EPB41L4A: variants seen among roughly 807,000 people sequenced by gnomAD.
The protein encoded by EPB41L4A is band 4.1-like protein 4A.
In EPB41L4A, 100 loss-of-function variants were observed where a neutral mutation model predicts 108.6. The observed-to-expected ratio is 0.92, with a 90% CI of 0.78 to 1.09. The LOEUF (loss-of-function observed/expected upper bound fraction) is 1.09. EPB41L4A is among the 50% of genes least tolerant of loss of function. The pLI, the probability that EPB41L4A is intolerant of heterozygous loss-of-function variation, is 0.00. For synonymous variants in EPB41L4A, 319 were observed against 289.0 expected, an observed-to-expected ratio of 1.10 and a Z score of -1.05; for missense variants, 1,030 against 842.7, an observed-to-expected ratio of 1.22 and a Z score of -2.75.
chr5:112,180,776 C>A (rs139655771), intron 18 of EPB41L4A, among the ~76,000 whole-genome samples: 2 of 151,950 alleles, frequency 1.3e-5, no homozygotes, highest in South Asian at 4.1e-4. Context: ...CAAACCACAG[C>A]CTGGGAGAAA....
Position 112,169,089 on chromosome 5 carries a change from T to A in EPB41L4A, c.1756A>T (p.Ile586Phe), listed in dbSNP as rs201545233. The A allele has an allele frequency of 1.9e-6, 3 of 1,613,648 alleles. No homozygotes were observed. Among genetic ancestry groups the A allele is most frequent in the Non-Finnish European group, 2.5e-6 (3 of 1,179,696 alleles). Residue 586 changes from isoleucine (I) to phenylalanine (F), a missense_variant, in exon 21 of 23, where the codon ATC becomes TTC. Transcript: ENST00000261486. Reference sequence around the variant, plus strand: ...GGCGAATGAGAATGCCTGATGCGGATTGGGTCACCTTGTGTCCTGAACAAG... The same window carrying A: ...GGCGAATGAGAATGCCTGATGCGGAATGGGTCACCTTGTGTCCTGAACAAG... Reference protein sequence around the residue: ...YTKIETQGDPIRIRHSHSPRS... With the variant: ...YTKIETQGDPFRIRHSHSPRS...
In EPB41L4A at chr5:112,204,369, GCTTACCTCCTCCT is replaced by G. The variant is rs762753272; in HGVS notation, c.1369_1376+5del. The stretch of plus-strand genomic sequence containing the variant: ...GCTGCTAACAGAGAGATTGTGTTCC[GCTTACCTCCTCCT>G]CACAGGCTGTACAGAATCATTGTCA... On this transcript the variant is annotated splice_donor_variant and splice_donor_5th_base_variant and coding_sequence_variant and intron_variant, in exon 15 of 23. Transcript: ENST00000261486. LOFTEE classifies it high-confidence loss of function. The G allele has an allele frequency of 6.3e-7, 1 of 1,593,066 alleles. No homozygotes were observed. The highest frequency in any genetic ancestry group is 2.2e-5 in the East Asian group (1 of 44,772).
intron 2 of EPB41L4A, among the ~76,000 whole-genome samples, chr5:112,293,851 A>G (rs1461655619): frequency 6.6e-6 from 1 of 152,218 alleles, no homozygotes; most frequent in Non-Finnish European, 1.5e-5. Flanking sequence ...CACCCACTCT[A>G]AACAGAAAAT....
At chr5:112,250,569 C>G (rs1014049553) in intron 9 of EPB41L4A, 1 of 152,208 alleles carries the variant, frequency 6.6e-6, no homozygotes, top group East Asian at 1.9e-4. Context: ...CCTGTTAAAA[C>G]GAAGGCTTAT....
At chr5:112,211,520 G>A (rs1016179906) in intron 12 of EPB41L4A, among the ~76,000 whole-genome samples, 7 of 151,794 alleles carry the variant, frequency 4.6e-5, no homozygotes, top group African/African-American at 1.7e-4. Flanking sequence ...CCCGGGAGGT[G>A]GAGGTTGTAG....
chr5:112,145,604 T>A (rs978800446), intron 13 of EPB41L4A, among the ~76,000 whole-genome samples: 4 of 152,222 alleles, frequency 2.6e-5, no homozygotes, highest in Non-Finnish European at 5.9e-5. Context: ...AGGACACATG[T>A]AGTGGCCTTT....
chr5:112,354,235 T>C (rs1245824039), intron 1 of EPB41L4A, among the ~76,000 whole-genome samples: 50 of 152,270 alleles, frequency 3.3e-4, no homozygotes, highest in Non-Finnish European at 1.2e-4. Flanking sequence ...TTATTCCAAA[T>C]GGATGTTGGA....
chr5:112,393,113 CA>C (rs1429953636), intron 1 of EPB41L4A, among the ~76,000 whole-genome samples: 18 of 152,302 alleles, frequency 1.2e-4, no homozygotes, highest in Non-Finnish European at 2.4e-4. Context: ...AATGTTATAG[CA>C]CTAAATGCCC....
rs1348805050 is a variant in EPB41L4A, at chr5:112,195,710, T to C, written c.1377-2A>G. The C allele has an allele frequency of 6.2e-7, 1 of 1,612,074 alleles. No homozygotes were observed. The highest frequency in any genetic ancestry group is 1.3e-5 in the African/African-American group (1 of 74,780). ...TCTTCACCACTGTTATGGGCTTTCC[T>C]GTGAAAACAAATGAAGACATTTAAG... On this transcript the variant is annotated splice_acceptor_variant, in intron 15 of 22. Transcript: ENST00000261486. LOFTEE classifies it high-confidence loss of function.
intron 1 of EPB41L4A, among the ~76,000 whole-genome samples, chr5:112,376,900 C>T (rs537172687): frequency 5.9e-5 from 9 of 152,046 alleles, no homozygotes; most frequent in African/African-American, 2.2e-4. Context: ...GAAGAGAGTA[C>T]GTCTATAAAA....
chr5:112,229,771 G>A (rs995106082), intron 12 of EPB41L4A, among the ~76,000 whole-genome samples: 5 of 152,056 alleles, frequency 3.3e-5, no homozygotes, highest in Admixed American at 2.0e-4. Context: ...GATGGATCAC[G>A]AGGCCAGGAG....
At chr5:112,198,322 C>G (rs539500896) in intron 15 of EPB41L4A, among the ~76,000 whole-genome samples, 1 of 152,112 alleles carries the variant, frequency 6.6e-6, no homozygotes, top group Admixed American at 6.5e-5. Context: ...CATGAGCCAC[C>G]GTACATGGCT....
chr5:112,319,833 C>G (rs1755657059), intron 1 of EPB41L4A, among the ~76,000 whole-genome samples: 1 of 152,088 alleles, frequency 6.6e-6, no homozygotes. Context: ...TGCCTCCTTC[C>G]CTGATGTTGA....
intron 12 of EPB41L4A, among the ~76,000 whole-genome samples, chr5:112,234,327 A>G (rs1281867559): frequency 1.3e-5 from 2 of 151,866 alleles, no homozygotes; most frequent in South Asian, 4.1e-4. Context: ...GGCAGCAGTG[A>G]GCTATAATCA....
In EPB41L4A at chr5:112,239,605, T is replaced by G. The variant is rs145416654; in HGVS notation, c.965+55A>C. On this transcript the variant is annotated intron_variant, in intron 11 of 22. Coordinates refer to ENST00000261486, the MANE Select transcript of EPB41L4A (RefSeq NM_022140.5). ...AACTTCACTGAGCATGTATGACAGC[T>G]GAATTAAGTATTTATTTACAAACAC... The G allele has an allele frequency of 3.2e-4, 364 of 1,125,556 alleles. 1 individual carries two copies. In the East Asian group the frequency reaches 8.4e-3, roughly 26 times the overall value. 69.7% of individuals were successfully genotyped at this position (1,125,556 alleles called of 1,614,324 possible). A position where few individuals can be genotyped will look rare whatever the true frequency, so the allele number is the denominator to read the frequency against.
chr5:112,174,280 G>T (rs1011609568), intron 18 of EPB41L4A, among the ~76,000 whole-genome samples: 2 of 152,180 alleles, frequency 1.3e-5, no homozygotes, highest in Non-Finnish European at 2.9e-5. Context: ...TTCATGATCT[G>T]CAGCTCAGTG....
rs34008454 is a variant in EPB41L4A, at chr5:112,266,272, C to T, written c.394G>A (p.Val132Ile). The change falls in exon 5 of 23, where the codon GTC (valine) becomes ATC (isoleucine). Residue 132 changes from valine to isoleucine, a missense_variant. Coordinates refer to ENST00000261486, the MANE Select transcript of EPB41L4A (RefSeq NM_022140.5). ...DVLQGRLPCP[V>I]NTAAQLGAYA... ...GCTCCCAGCTGAGCAGCAGTGTTGA[C>T]GGGACAGGGCAGACGGCCCTGAAGG... 7.8e-3 allele frequency: 12,594 copies of T among 1,610,570 alleles called. 61 individuals are homozygous for T. The highest frequency in any genetic ancestry group is 0.014 in the African/African-American group (1,015 of 74,914).
In EPB41L4A at chr5:112,343,964, G is replaced by C. The variant is rs573210314; in HGVS notation, c.100-36474C>G. 7.9e-4 allele frequency among the ~76,000 whole-genome samples: 120 copies of C among 152,288 alleles called. 3 individuals are homozygous for C. In the South Asian group the frequency reaches 0.023, roughly 30 times the overall value. On this transcript the variant is annotated intron_variant, in intron 1 of 22. Transcript: ENST00000261486. ...TCATATACTTGGGAGGCCAAAACAA[G>C]AAGATTGCTTGAGCCCAGGATTTCA...
intron 12 of EPB41L4A, among the ~76,000 whole-genome samples, chr5:112,212,327 T>C (rs568153710): frequency 3.3e-5 from 5 of 151,714 alleles, no homozygotes; most frequent in Non-Finnish European, 5.9e-5. Flanking sequence ...GAGTCTTGCT[T>C]TGTCGCCCAT....
Sources: allele counts gnomAD v4.1 joint callset (sites outside exome capture counted in the v4.1 genomes callset), GRCh38; gene constraint gnomAD v4.1.1; transcripts MANE v1.5; gene names NCBI Gene and HGNC (gene_info 2026-07-23, HGNC 2026-07-21).